SLIT1: variants seen among roughly 807,000 people sequenced by gnomAD.
SLIT1 encodes slit homolog 1 protein.
In SLIT1, 66 loss-of-function variants were observed where a neutral mutation model predicts 186.1. That is an observed-to-expected ratio of 0.35 (90% CI 0.29 to 0.44). The LOEUF is 0.44. SLIT1 is among the 20% of genes least tolerant of loss of function. The pLI is 1.00. For missense variants in SLIT1, 1,638 were observed against 2,037.4 expected, an observed-to-expected ratio of 0.80 and a Z score of 3.77; for synonymous variants, 761 against 833.8, an observed-to-expected ratio of 0.91 and a Z score of 1.50.
chr10:97,046,973 C>T lies in SLIT1; in HGVS notation c.1709+18G>A, dbSNP rs555721613. 3.8e-6 allele frequency: 6 copies of T among 1,598,616 alleles called. No individual in the cohort carries two copies. Among genetic ancestry groups the T allele is most frequent in the Admixed American group, 3.3e-5 (2 of 59,968 alleles). On this transcript the variant is annotated intron_variant, in intron 17 of 36. Coordinates refer to ENST00000266058, the MANE Select transcript of SLIT1 (RefSeq NM_003061.3). ...GCCAGCATCCCAACAGACACCTTCT[C>T]GCCAATGGGTAACTCACATTTTCTT... is the stretch of plus-strand genomic sequence containing the variant.
At chr10:97,016,245 G>A (rs1215700922) in intron 28 of SLIT1, among the ~76,000 whole-genome samples, 1 of 151,936 alleles carries the variant, frequency 6.6e-6, no homozygotes, top group Non-Finnish European at 1.5e-5. Flanking sequence ...GGAGGCAGAG[G>A]TTGCAGTGAG....
chr10:97,041,659 A>G (rs1379480526), intron 20 of SLIT1, among the ~76,000 whole-genome samples: 3 of 152,024 alleles, frequency 2.0e-5, no homozygotes, highest in Admixed American at 6.6e-5. Flanking sequence ...TTTAGTAAAG[A>G]GAGGGTTTCA....
chr10:97,046,387 G>A (rs1848733806), intron 18 of SLIT1, among the ~76,000 whole-genome samples: 1 of 152,232 alleles, frequency 6.6e-6, no homozygotes, highest in Non-Finnish European at 1.5e-5. Context: ...AGGGCAATGG[G>A]AAGGGACCCC....
intron 9 of SLIT1, 64 bp downstream of exon 9, chr10:97,060,576 T>C (rs1848883855): frequency 1.3e-6 from 2 of 1,596,856 alleles, no homozygotes; most frequent in Admixed American, 1.7e-5. Context: ...AGCTCTTCAC[T>C]GGCCCTCCAG....
chr10:97,010,882 C>T lies in SLIT1; in HGVS notation c.3341+111G>A. On this transcript the variant is annotated intron_variant, in intron 31 of 36. Coordinates refer to ENST00000266058, the MANE Select transcript of SLIT1 (RefSeq NM_003061.3). This position sits in a 1 kb window ranked among gnomAD's most constrained non-coding sequence, Gnocchi z 4.8. Reference sequence around the variant, plus strand: ...CCACGGTTAAAACCCCAGCATCCAACTTCCAGGCTCTGACCCACACCCCTT... The same window carrying T: ...CCACGGTTAAAACCCCAGCATCCAATTTCCAGGCTCTGACCCACACCCCTT... 9.5e-7 allele frequency: 1 copy of T among 1,054,396 alleles called. No homozygotes were observed. The highest frequency in any genetic ancestry group is 1.4e-6 in the Non-Finnish European group (1 of 726,092). 65.3% of individuals were successfully genotyped at this position (1,054,396 alleles called of 1,614,324 possible).
intron 4 of SLIT1, among the ~76,000 whole-genome samples, chr10:97,084,833 T>C (rs1408515351): frequency 1.3e-5 from 2 of 152,030 alleles, no homozygotes; most frequent in Admixed American, 1.3e-4. Flanking sequence ...TCTCAACCTC[T>C]TGGCCTCAAG....
chr10:97,082,259 T>C (rs932577378), intron 4 of SLIT1, among the ~76,000 whole-genome samples: 5 of 152,330 alleles, frequency 3.3e-5, no homozygotes, highest in African/African-American at 1.2e-4. Flanking sequence ...TCCTAAGACA[T>C]GAATGATTGT....
At chr10:97,023,640 G>T (rs1848520100) in intron 25 of SLIT1, among the ~76,000 whole-genome samples, 1 of 152,138 alleles carries the variant, frequency 6.6e-6, no homozygotes, top group African/African-American at 2.4e-5. Flanking sequence ...GGATTTTAGG[G>T]TAAGAAAGAG....
At chr10:97,032,804 T>C (rs1231298560) in intron 23 of SLIT1, among the ~76,000 whole-genome samples, 6 of 152,050 alleles carry the variant, frequency 3.9e-5, no homozygotes, top group African/African-American at 1.4e-4. Context: ...GCCTGTACAG[T>C]GGAACACAGC....
Position 97,124,959 on chromosome 10 carries a change from C to A in SLIT1, c.413+32859G>T, listed in dbSNP as rs539981236. 3.8e-3 allele frequency among the ~76,000 whole-genome samples: 580 copies of A among 152,266 alleles called. 2 individuals carry two copies. Among genetic ancestry groups the A allele is most frequent in the African/African-American group, 0.011 (446 of 41,546 alleles). On this transcript the variant is annotated intron_variant, in intron 4 of 36. Coordinates refer to ENST00000266058, the MANE Select transcript of SLIT1 (RefSeq NM_003061.3). ...TTAACAGAAAAGGAACACAAATGGC[C>A]TTAAAAGCATTAAAATGGGATGCTT...
intron 3 of SLIT1, 151 bp downstream of exon 3, chr10:97,163,229 C>A: frequency 7.2e-6 from 5 of 692,048 alleles, no homozygotes; most frequent in Non-Finnish European, 1.3e-5. Context: ...TTCACAGCTG[C>A]AGCTGCTCCT....
At chr10:97,182,092 G>A (rs1850346240) in intron 1 of SLIT1, among the ~76,000 whole-genome samples, 1 of 152,180 alleles carries the variant, frequency 6.6e-6, no homozygotes, top group Non-Finnish European at 1.5e-5. Flanking sequence ...TATTTTAACT[G>A]TTCATTACAG....
chr10:97,046,694 G>C lies in SLIT1; in HGVS notation c.1813C>G (p.Arg605Gly). 2 of 1,611,462 alleles carry C rather than the reference G, an allele frequency of 1.2e-6. No individual in the cohort carries two copies. Among genetic ancestry groups the C allele is most frequent in the Non-Finnish European group, 1.7e-6 (2 of 1,180,018 alleles). Residue 605 changes from arginine to glycine, a missense_variant, in exon 18 of 37, where the codon CGG (arginine) becomes GGG (glycine). Physicochemically the swap from Arg to Gly is moderately radical, Grantham distance 125. This residue lies in a region of SLIT1 where 1,245 missense variants were observed against 1,535.3 expected (regional missense o/e 0.81). Coordinates refer to ENST00000266058, the MANE Select transcript of SLIT1 (RefSeq NM_003061.3). ...TCCAGACCCCGGAACATGCCGCTCC[G>C]GATGGACTCCAGCTGGTTGGCAGTT... Reference protein sequence around the residue: ...HLTANQLESIRSGMFRGLDGL... With the variant: ...HLTANQLESIGSGMFRGLDGL...
intron 14 of SLIT1, 35 bp downstream of exon 14, chr10:97,048,920 T>C (rs768667940): frequency 4.4e-4 from 694 of 1,593,414 alleles, no homozygotes; most frequent in Non-Finnish European, 5.7e-4. Context: ...GGCAGGTAGG[T>C]GGACAGGTGG....
At chr10:97,030,616 G>A (rs1000737051) in intron 25 of SLIT1, 141 bp downstream of exon 25, 1 of 682,530 alleles carries the variant, frequency 1.5e-6, no homozygotes, top group African/African-American at 1.8e-5. Flanking sequence ...AAGAGTCCCA[G>A]AAGGTGCACG....
At chr10:97,098,902 T>C (rs1484967480) in intron 4 of SLIT1, among the ~76,000 whole-genome samples, 1 of 152,176 alleles carries the variant, frequency 6.6e-6, no homozygotes, top group East Asian at 1.9e-4. Context: ...GTAGGAACTC[T>C]GGAGTTGGCC....
In SLIT1 at chr10:97,165,326, C is replaced by G. The variant is rs148918183; in HGVS notation, c.198-436G>C. Among the ~76,000 whole-genome samples the G allele has an allele frequency of 5.2e-4, 79 of 152,294 alleles. 1 individual carries two copies. Among genetic ancestry groups the G allele is most frequent in the African/African-American group, 1.8e-3 (73 of 41,564 alleles). ...TTAGCACAGGGTAGAAGCAAGTAAA[C>G]GGCATAGCCTGCGCTTGCAAAGGTC... On this transcript the variant is annotated intron_variant, in intron 1 of 36. Coordinates refer to ENST00000266058, the MANE Select transcript of SLIT1 (RefSeq NM_003061.3).
intron 4 of SLIT1, among the ~76,000 whole-genome samples, chr10:97,151,877 C>T (rs533050003): frequency 6.6e-6 from 1 of 152,094 alleles, no homozygotes; most frequent in South Asian, 2.1e-4. Context: ...TTCATGAGGC[C>T]CTGGGAGAGT....
intron 4 of SLIT1, among the ~76,000 whole-genome samples, chr10:97,150,146 G>T (rs1437697674): frequency 6.6e-6 from 1 of 152,166 alleles, no homozygotes; most frequent in African/African-American, 2.4e-5. Context: ...GGAGGCTCTG[G>T]CTGGGGAGGG....
Sources: allele counts gnomAD v4.1 joint callset (sites outside exome capture counted in the v4.1 genomes callset), GRCh38; gene constraint gnomAD v4.1.1; regional missense constraint gnomAD v4.1.1; non-coding constraint Gnocchi (gnomAD v3.1); transcripts MANE v1.5; gene names NCBI Gene and HGNC (gene_info 2026-07-23, HGNC 2026-07-21).